ZFYVE19: variants seen among roughly 807,000 people sequenced by gnomAD.
The protein encoded by ZFYVE19 is zinc finger FYVE-type containing 19, also known as abscission/NoCut checkpoint regulator.
ZFYVE19 carries 49 observed loss-of-function variants against 62.8 expected under a neutral mutation model. The ratio of observed to expected loss-of-function variants is 0.78; its 90% CI spans 0.62 to 0.99. The LOEUF (loss-of-function observed/expected upper bound fraction) is 0.99, where lower values mean the gene tolerates loss of function less well. Ranked by LOEUF, ZFYVE19 falls within the 50% of genes least tolerant of loss-of-function variation. The pLI, the probability that ZFYVE19 is intolerant of heterozygous loss-of-function variation, is 0.00. For missense variants in ZFYVE19, 630 were observed against 601.9 expected, an observed-to-expected ratio of 1.05 and a Z score of -0.49; for synonymous variants, 242 against 234.3, an observed-to-expected ratio of 1.03 and a Z score of -0.30.
intron 6 of ZFYVE19, among the ~76,000 whole-genome samples, chr15:40,812,480 A>G (rs1242694501): frequency 6.7e-6 from 1 of 148,256 alleles, no homozygotes; most frequent in Admixed American, 6.8e-5. Flanking sequence ...CAGGAGGCAG[A>G]GGTTGCAGTG....
At position 40,813,718 on chromosome 15, in the gene ZFYVE19, T is replaced by C. The variant is rs980668495; in HGVS notation, c.1116T>C (p.Thr372=). ...TAIQRVLQQL[T]EEASLDEASG... is the part of the protein sequence containing the mutation. ...CATCTTCACCCTGTCCGCAGCTCAC[T>C]GAAGAAGCTTCCCTGGATGAGGCAA... The change falls in exon 9 of 11, where the codon ACT becomes ACC. Residue 372 remains threonine (T), a synonymous_variant. Coordinates refer to ENST00000355341, the MANE Select transcript of ZFYVE19 (RefSeq NM_001077268.2). The C allele has an allele frequency of 1.9e-6, 3 of 1,613,412 alleles. No homozygotes were observed. Among genetic ancestry groups the C allele is most frequent in the Admixed American group, 1.7e-5 (1 of 59,792 alleles).
chr15:40,810,351 C>T, intron 5 of ZFYVE19, 135 bp downstream of exon 5: 8 of 1,408,776 alleles, frequency 5.7e-6, no homozygotes, highest in Non-Finnish European at 7.6e-6. Context: ...ACCTCAGTTA[C>T]TTTTGCACCA....
At position 40,814,780 on chromosome 15, in the gene ZFYVE19, G is replaced by A. The variant is rs1466099069; in HGVS notation, c.*554G>A. 2 of 160,396 alleles carry A rather than the reference G, an allele frequency of 1.2e-5. No individual in the cohort carries two copies. Among genetic ancestry groups the A allele is most frequent in the African/African-American group, 2.4e-5 (1 of 41,500 alleles). The allele number at this position is 160,396 out of a possible 1,614,324, so 9.9% of individuals were successfully genotyped here. ...CTCAACTGTGCTCCAGCTCTGGGCA[G>A]CCCCACTTAGCCACCAGTCCCCACC... On this transcript the variant is annotated 3_prime_UTR_variant, in exon 11 of 11. Transcript: ENST00000355341.
At chr15:40,808,916 C>A in intron 1 of ZFYVE19, 1 of 594,936 alleles carries the variant, frequency 1.7e-6, no homozygotes, top group Non-Finnish European at 2.9e-6. Context: ...TTGTATAAAC[C>A]TTCATTTGGC....
At position 40,809,557 on chromosome 15, in the gene ZFYVE19, A is replaced by C. The variant is rs942090376; in HGVS notation, c.452+99A>C. 4.2e-6 allele frequency: 6 copies of C among 1,429,824 alleles called. No homozygotes were observed. The Admixed American group carries it at 9.5e-5, about 23-fold the overall frequency. 88.6% of individuals were successfully genotyped at this position (1,429,824 alleles called of 1,614,324 possible). A position where few individuals can be genotyped will look rare whatever the true frequency, so the allele number is the denominator to read the frequency against. Reference sequence around the variant, plus strand: ...CATCTTCTAGATAAAATGAGCACAGAATCAGGAGAATTCTCTCCTCTCTGG... The same window carrying C: ...CATCTTCTAGATAAAATGAGCACAGCATCAGGAGAATTCTCTCCTCTCTGG... On this transcript the variant is annotated intron_variant, in intron 3 of 10. Transcript: ENST00000355341.
In ZFYVE19 at chr15:40,809,417, T is replaced by G. The variant is rs917523439; in HGVS notation, c.411T>G (p.Ser137=). ...QCHEVLTRGS[S]ANASKWSPPQ... ...GATTTCTTCTCTGTAGAGGGTCTTC[T>G]GCCAATGCCTCCAAGTGGTCACCAC... is the stretch of plus-strand genomic sequence containing the variant. The change falls in exon 3 of 11, where the codon TCT becomes TCG. Residue 137 remains serine, a synonymous_variant. Coordinates refer to ENST00000355341, the MANE Select transcript of ZFYVE19 (RefSeq NM_001077268.2). 12 of 1,614,082 alleles carry G rather than the reference T, an allele frequency of 7.4e-6. No homozygotes were observed. The African/African-American group carries it at 1.5e-4, about 20-fold the overall frequency.
intron 2 of ZFYVE19, 57 bp from the exon 3 acceptor site, chr15:40,809,350 TG>T: frequency 6.2e-7 from 1 of 1,613,526 alleles, no homozygotes; most frequent in Non-Finnish European, 8.5e-7. Context: ...GTGTTTGGAG[TG>T]GGGGGCACTG....
At chr15:40,811,095 A>G (rs10152371) in intron 6 of ZFYVE19, 113,734 of 301,772 alleles carry the variant, frequency 0.38, 22,342 homozygotes, top group South Asian at 0.48. Context: ...AGTAAACGAG[A>G]TAATCCAATA....
chr15:40,807,727 A>G lies in ZFYVE19; in HGVS notation c.138A>G (p.Glu46=). ...GVWGGAGQGR[E]GRSWGEGPRG... is the part of the protein sequence containing the mutation. Reference sequence around the variant, plus strand: ...GGGGCGGGGCAGGGCAGGGAAGGGAAGGGCGGAGCTGGGGTGAGGGTCCAA... The same window carrying G: ...GGGGCGGGGCAGGGCAGGGAAGGGAGGGGCGGAGCTGGGGTGAGGGTCCAA... Residue 46 remains glutamate, a synonymous_variant, in exon 1 of 11, where the codon GAA becomes GAG. Coordinates refer to ENST00000355341, the MANE Select transcript of ZFYVE19 (RefSeq NM_001077268.2). 1 of 1,599,322 alleles carries G rather than the reference A, an allele frequency of 6.3e-7. No individual in the cohort carries two copies.
Position 40,807,154 on chromosome 15 carries a change from G to A in ZFYVE19, c.-436G>A, listed in dbSNP as rs1041552135. The A allele has an allele frequency of 4.1e-6, 5 of 1,220,910 alleles. No individual in the cohort carries two copies. Among genetic ancestry groups the A allele is most frequent in the Admixed American group, 2.8e-5 (1 of 36,218 alleles). 75.6% of individuals were successfully genotyped at this position (1,220,910 alleles called of 1,614,324 possible). A position where few individuals can be genotyped will look rare whatever the true frequency, so the allele number is the denominator to read the frequency against. On this transcript the variant is annotated 5_prime_UTR_variant, in exon 1 of 11. Coordinates refer to ENST00000355341, the MANE Select transcript of ZFYVE19 (RefSeq NM_001077268.2). ...GCCACGGGGAGAGCACAGCCACCCG[G>A]CGCGAAGAGCCCTCTGTACCCCGCT...
At position 40,809,257 on chromosome 15, in the gene ZFYVE19, G is replaced by T; in HGVS notation, c.401+17G>T. ...CCTGACCAGGTAAGAGGCAGGCATG[G>T]GTGAAAGTTCAGCCAAGTATGGCAG... On this transcript the variant is annotated intron_variant, in intron 2 of 10. Transcript: ENST00000355341. 6.2e-7 allele frequency: 1 copy of T among 1,613,748 alleles called. No homozygotes were observed. The highest frequency in any genetic ancestry group is 8.5e-7 in the Non-Finnish European group (1 of 1,179,802).
chr15:40,812,896 G>C lies in ZFYVE19; in HGVS notation c.1024G>C (p.Glu342Gln). The change falls in exon 7 of 11, where the codon GAG becomes CAG. Residue 342 changes from glutamate (E) to glutamine (Q), a missense_variant. Physicochemically the swap from Glu to Gln is conservative, Grantham distance 29 (BLOSUM62 2). Coordinates refer to ENST00000355341, the MANE Select transcript of ZFYVE19 (RefSeq NM_001077268.2). ...AGCCATGCTGCGGGGACAGGACCCC[G>C]AGAGAGGTGAAGGCTGGGGAGCAGC... ...RLAMLRGQDPERVTLQDYRLP... is the reference protein window; with the variant it reads ...RLAMLRGQDPQRVTLQDYRLP... The C allele has an allele frequency of 6.2e-7, 1 of 1,610,502 alleles. No homozygotes were observed. The highest frequency in any genetic ancestry group is 8.5e-7 in the Non-Finnish European group (1 of 1,179,828).
At chr15:40,809,297 G>A (rs1890401112) in intron 2 of ZFYVE19, 57 bp downstream of exon 2, 5 of 1,612,644 alleles carry the variant, frequency 3.1e-6, no homozygotes, top group African/African-American at 1.3e-5. Flanking sequence ...CATCTGGCCA[G>A]CCCTCACAGC....
intron 1 of ZFYVE19, chr15:40,808,482 A>T: frequency 6.8e-7 from 1 of 1,478,454 alleles, no homozygotes; most frequent in Non-Finnish European, 9.0e-7. Context: ...TGCAGCATTC[A>T]CCAACCTGGA....
At position 40,808,129 on chromosome 15, in the gene ZFYVE19, CTCTTT is replaced by C. The variant is rs1420022461; in HGVS notation, c.279+265_279+269del. Reference sequence around the variant, plus strand: ...CGCTGCCGTCGTTTTTGCAAAGCTACTCTTTTCTGTCGGCCCAGTGTAGCATCTGG... The same window carrying C: ...CGCTGCCGTCGTTTTTGCAAAGCTACTCTGTCGGCCCAGTGTAGCATCTGG... On this transcript the variant is annotated intron_variant, in intron 1 of 10. Coordinates refer to ENST00000355341, the MANE Select transcript of ZFYVE19 (RefSeq NM_001077268.2). 180 of 1,468,698 alleles carry C rather than the reference CTCTTT, an allele frequency of 1.2e-4. 6 individuals carry two copies. The highest frequency in any genetic ancestry group is 1.9e-4 in the Admixed American group (11 of 58,246). 91.0% of individuals were successfully genotyped at this position (1,468,698 alleles called of 1,614,324 possible).
rs749520467 is a variant in ZFYVE19 at position 40,807,818 on chromosome 15, G to C, written c.229G>C (p.Glu77Gln). 1 of 1,543,902 alleles carries C rather than the reference G, an allele frequency of 6.5e-7. No homozygotes were observed. The highest frequency in any genetic ancestry group is 1.9e-5 in the Admixed American group (1 of 51,636). Residue 77 changes from glutamate (E) to glutamine (Q), a missense_variant, in exon 1 of 11, where the codon GAG becomes CAG. Transcript: ENST00000355341. ...CCCTGCGGTGCTGGGAGCCACCATG[G>C]AGAGTAGGTGCTACGGCTGCGCTGT... ...ADPAVLGATM[E>Q]SRCYGCAVKF...
chr15:40,807,900 C>A, intron 1 of ZFYVE19, 32 bp downstream of exon 1: 1 of 1,549,824 alleles, frequency 6.5e-7, no homozygotes, highest in Non-Finnish European at 8.7e-7. Flanking sequence ...GCTGCAGGGC[C>A]AGGGAGGAGA....
rs1228560419 is a variant in ZFYVE19 at position 40,807,257 on chromosome 15, C to T, written c.-333C>T. 1.3e-6 allele frequency: 2 copies of T among 1,593,482 alleles called. No homozygotes were observed. The highest frequency in any genetic ancestry group is 1.7e-6 in the Non-Finnish European group (2 of 1,170,334). ...AGGGCATAGCGCCGACCCTCGCTCC[C>T]CGCCCAGGACCCGAATGAACCTGGA... On this transcript the variant is annotated 5_prime_UTR_variant, in exon 1 of 11. Coordinates refer to ENST00000355341, the MANE Select transcript of ZFYVE19 (RefSeq NM_001077268.2).
intron 2 of ZFYVE19, 73 bp downstream of exon 2, chr15:40,809,313 A>G (rs1890401505): frequency 6.2e-6 from 10 of 1,613,414 alleles, no homozygotes; most frequent in Non-Finnish European, 8.5e-6. Context: ...ACAGCTTTGT[A>G]CTCTGTCGCG....
Sources: gnomAD v4.1 joint callset for allele counts (sites outside exome capture counted in the v4.1 genomes callset) on GRCh38, gnomAD v4.1.1 for gene constraint, MANE v1.5 for transcripts, NCBI Gene and HGNC (gene_info 2026-07-23, HGNC 2026-07-21) for gene names.